OTOGL: variants seen among roughly 807,000 people sequenced by gnomAD.
OTOGL encodes the protein otogelin-like protein.
Under a neutral mutation model 318.5 loss-of-function variants are expected in OTOGL, and 285 were observed. The ratio of observed to expected loss-of-function variants is 0.89; its 90% CI spans 0.81 to 0.99. OTOGL has a LOEUF of 0.99. Among genes scored for constraint, OTOGL ranks in the 50% least tolerant of loss-of-function variants. The pLI, the probability that OTOGL is intolerant of heterozygous loss-of-function variation, is 0.00. For missense variants in OTOGL, 2,899 were observed against 2,845.6 expected (o/e 1.02, Z -0.43); for synonymous variants, 987 against 936.5 (o/e 1.05, Z -0.99).
intron 30 of OTOGL, among the ~76,000 whole-genome samples, chr12:80,311,693 C>A (rs529372710): frequency 5.3e-5 from 8 of 152,312 alleles, no homozygotes; most frequent in African/African-American, 1.7e-4. Flanking sequence ...AGGCGTGAAC[C>A]ACTGCGCCCG....
At chr12:80,372,983 T>C (rs1296686941) in intron 57 of OTOGL, among the ~76,000 whole-genome samples, 2 of 152,186 alleles carry the variant, frequency 1.3e-5, no homozygotes, top group East Asian at 3.8e-4. Context: ...TAATTTTGAA[T>C]AATTTTAAGG....
chr12:80,211,016 T>C, intron 3 of OTOGL, 130 bp downstream of exon 3: 1 of 520,874 alleles, frequency 1.9e-6, no homozygotes. Context: ...TGAAATATAC[T>C]TTAAAAAACA....
chr12:80,121,550 A>G (rs1321225071), intron 1 of OTOGL, among the ~76,000 whole-genome samples: 1 of 152,170 alleles, frequency 6.6e-6, no homozygotes, highest in Admixed American at 6.6e-5. Flanking sequence ...TACAGTTTAG[A>G]CAAAATCAAC....
At chr12:80,312,949 C>A (rs909314770) in intron 30 of OTOGL, among the ~76,000 whole-genome samples, 1 of 152,022 alleles carries the variant, frequency 6.6e-6, no homozygotes, top group African/African-American at 2.4e-5. Flanking sequence ...GTCCCTTGCT[C>A]CTTTTTTAAT....
chr12:80,215,354 A>G (rs1877617780), intron 4 of OTOGL, among the ~76,000 whole-genome samples: 1 of 151,940 alleles, frequency 6.6e-6, no homozygotes, highest in Non-Finnish European at 1.5e-5. Context: ...TTTAGTAGAG[A>G]TGGGGTTTCA....
At chr12:80,111,704 T>C (rs960037932) in intron 1 of OTOGL, among the ~76,000 whole-genome samples, 8 of 152,212 alleles carry the variant, frequency 5.3e-5, no homozygotes, top group African/African-American at 1.9e-4. Flanking sequence ...TTTGTTCTTT[T>C]TGCTTAGGAT....
chr12:80,268,035 C>G (rs1228244667), intron 22 of OTOGL, among the ~76,000 whole-genome samples: 3 of 151,856 alleles, frequency 2.0e-5, no homozygotes, highest in Non-Finnish European at 4.4e-5. Context: ...TGTGCCTCCT[C>G]CCCAGGCCCA....
chr12:80,202,914 G>T (rs183677402), intron 1 of OTOGL, among the ~76,000 whole-genome samples: 1 of 152,098 alleles, frequency 6.6e-6, no homozygotes, highest in Non-Finnish European at 1.5e-5. Context: ...AAAAATAGTT[G>T]CCATCTCCAC....
At chr12:80,346,553 T>C (rs1346802246) in intron 44 of OTOGL, among the ~76,000 whole-genome samples, 1 of 152,226 alleles carries the variant, frequency 6.6e-6, no homozygotes, top group Non-Finnish European at 1.5e-5. Context: ...TGTTTACATA[T>C]TCACAAAAGT....
intron 1 of OTOGL, among the ~76,000 whole-genome samples, chr12:80,199,034 T>C (rs764120509): frequency 2.0e-5 from 3 of 152,232 alleles, no homozygotes; most frequent in Non-Finnish European, 4.4e-5. Context: ...TGTGTACATA[T>C]ATGCATGCAC....
chr12:80,327,380 G>T (rs1470481262), intron 35 of OTOGL, among the ~76,000 whole-genome samples: 1 of 152,092 alleles, frequency 6.6e-6, no homozygotes, highest in African/African-American at 2.4e-5. Context: ...AATCTTTTCA[G>T]GCTGTCATAC....
At chr12:80,175,196 G>T (rs1874452143) in intron 1 of OTOGL, among the ~76,000 whole-genome samples, 1 of 151,928 alleles carries the variant, frequency 6.6e-6, no homozygotes, top group Non-Finnish European at 1.5e-5. Flanking sequence ...CATCTATTTA[G>T]AATTAAATAA....
chr12:80,256,116 G>A (rs1371881240), intron 16 of OTOGL, among the ~76,000 whole-genome samples: 1 of 151,830 alleles, frequency 6.6e-6, no homozygotes, highest in East Asian at 1.9e-4. Flanking sequence ...TATTAGGAAT[G>A]GGGCTACATA....
rs115377137 is a variant in OTOGL, at chr12:80,278,755, G to C, written c.2790-273G>C. Among the ~76,000 whole-genome samples the C allele has an allele frequency of 0.013, 1,999 of 151,598 alleles. 38 individuals carry two copies. The highest frequency in any genetic ancestry group is 0.046 in the African/African-American group (1,903 of 41,476). On this transcript the variant is annotated intron_variant, in intron 25 of 58. Coordinates refer to ENST00000547103, the MANE Select transcript of OTOGL (RefSeq NM_001378609.3). The stretch of plus-strand genomic sequence containing the variant: ...TGCTTTTTCAGCTACCAGCAGACCT[G>C]TGTTCAGTTTTTCATTCTATCATCT...
rs150031956 is a variant in OTOGL at position 80,287,989 on chromosome 12, G to A, written c.2928+8823G>A. Among the ~76,000 whole-genome samples the A allele has an allele frequency of 7.1e-3, 1,079 of 152,188 alleles. 12 individuals carry two copies. Among genetic ancestry groups the A allele is most frequent in the African/African-American group, 0.024 (989 of 41,514 alleles). ...CATTAGTTGATGCAGTTTCTTCATC[G>A]TGTCATTGGTCTTTATATTTTGATA... On this transcript the variant is annotated intron_variant, in intron 26 of 58. Transcript: ENST00000547103.
intron 1 of OTOGL, among the ~76,000 whole-genome samples, chr12:80,180,619 C>CT (rs1323755391): frequency 3.3e-5 from 5 of 152,034 alleles, no homozygotes; most frequent in African/African-American, 1.2e-4. Context: ...TGTAAATGGG[C>CT]TTAAATTTTA....
chr12:80,183,428 A>G (rs766744384), intron 1 of OTOGL, among the ~76,000 whole-genome samples: 1 of 152,350 alleles, frequency 6.6e-6, no homozygotes, highest in East Asian at 1.9e-4. Flanking sequence ...CAGGTGGATA[A>G]TTACGTCTAT....
intron 58 of OTOGL, 129 bp downstream of exon 58, chr12:80,377,331 C>A: frequency 3.4e-6 from 2 of 594,788 alleles, no homozygotes; most frequent in Non-Finnish European, 5.8e-6. Context: ...ATTATTCCTA[C>A]ATTCTAATGT....
intron 4 of OTOGL, among the ~76,000 whole-genome samples, chr12:80,213,109 G>A (rs1008917279): frequency 5.9e-5 from 9 of 152,202 alleles, no homozygotes; most frequent in African/African-American, 2.2e-4. Flanking sequence ...TATACTTGTA[G>A]TTATTTCTGA....
Sources: gnomAD v4.1 joint callset for allele counts (sites outside exome capture counted in the v4.1 genomes callset) on GRCh38, gnomAD v4.1.1 for gene constraint, MANE v1.5 for transcripts, NCBI Gene and HGNC (gene_info 2026-07-23, HGNC 2026-07-21) for gene names.